The following TPO variants were observed in gnomAD, a reference collection of about 807,000 sequenced individuals.
The protein encoded by TPO is thyroid peroxidase, also known as thyroid microsomal antigen.
In TPO, 78 loss-of-function variants were observed where a neutral mutation model predicts 96.9. The observed-to-expected ratio is 0.81, with a 90% CI of 0.67 to 0.97. TPO has a LOEUF of 0.97. Ranked by LOEUF, TPO falls within the 50% of genes least tolerant of loss-of-function variation. The pLI, the probability that TPO is intolerant of heterozygous loss-of-function variation, is 0.00. For synonymous variants in TPO, 547 were observed against 538.0 expected (o/e 1.02, Z -0.23); for missense variants, 1,252 against 1,274.8 (o/e 0.98, Z 0.27).
intron 3 of TPO, among the ~76,000 whole-genome samples, chr2:1,428,848 G>C (rs1237077248): frequency 6.6e-6 from 1 of 152,134 alleles, no homozygotes; most frequent in Non-Finnish European, 1.5e-5. Flanking sequence ...AACCTGCACA[G>C]GTGCTTACAC....
At chr2:1,446,523 T>C (rs1214914673) in intron 5 of TPO, among the ~76,000 whole-genome samples, 1 of 152,188 alleles carries the variant, frequency 6.6e-6, no homozygotes, top group African/African-American at 2.4e-5. Flanking sequence ...TTTCCTGTGG[T>C]TTAACTTCAC....
In TPO at chr2:1,505,286, C is replaced by A. The variant is rs1413167376; in HGVS notation, c.2518+1207C>A. Among the ~76,000 whole-genome samples, 4 of 150,534 alleles carry A rather than the reference C, an allele frequency of 2.7e-5. No homozygotes were observed. In the East Asian group the frequency reaches 8.0e-4, roughly 30 times the overall value. ...CACCCCCTCCTGTGTCAGGCGCACC[C>A]CACTATCCTATATCAGGCACATCCC... On this transcript the variant is annotated intron_variant, in intron 14 of 16. Transcript: ENST00000329066.
rs184678154 is a variant in TPO at position 1,531,353 on chromosome 2, G to A, written c.2619-9241G>A. ...CCCCAAATCCCTCCCACTGTGTGCA[G>A]CCTCCCCAAATCCTCCCGACTCTGT... On this transcript the variant is annotated intron_variant, in intron 15 of 16. Coordinates refer to ENST00000329066, the MANE Select transcript of TPO (RefSeq NM_001206744.2). Among the ~76,000 whole-genome samples, 114 of 55,458 alleles carry A rather than the reference G, an allele frequency of 2.1e-3. 3 individuals are homozygous for A. Among genetic ancestry groups the A allele is most frequent in the Middle Eastern group, 0.015 (1 of 68 alleles). The allele number at this position is 55,458 out of a possible 152,430, so 36.4% of individuals were successfully genotyped here. A position where few individuals can be genotyped will look rare whatever the true frequency, so the allele number is the denominator to read the frequency against.
At chr2:1,443,351 T>C (rs912800447) in intron 5 of TPO, among the ~76,000 whole-genome samples, 2 of 149,030 alleles carry the variant, frequency 1.3e-5, no homozygotes, top group Non-Finnish European at 3.0e-5. Flanking sequence ...GAAGGTACCA[T>C]GTTGGAAGGG....
chr2:1,444,035 A>G (rs1306214177), intron 5 of TPO, among the ~76,000 whole-genome samples: 18 of 116,718 alleles, frequency 1.5e-4, no homozygotes, highest in African/African-American at 3.4e-4. Context: ...AAGGGAATGG[A>G]GCTGGCTCCT....
At chr2:1,382,984 T>C (rs184358031) in intron 1 of TPO, among the ~76,000 whole-genome samples, 1 of 151,612 alleles carries the variant, frequency 6.6e-6, no homozygotes, top group East Asian at 2.0e-4. Flanking sequence ...TGTTTGGTTT[T>C]CTGTCCTTGT....
intron 4 of TPO, 66 bp from the exon 5 acceptor site, chr2:1,436,186 A>G (rs948614097): frequency 1.2e-6 from 2 of 1,612,922 alleles, no homozygotes; most frequent in Non-Finnish European, 1.7e-6. Context: ...TGAGACTGCA[A>G]TAGAATATTT....
chr2:1,472,547 C>A (rs939832127), intron 7 of TPO, among the ~76,000 whole-genome samples: 1 of 152,134 alleles, frequency 6.6e-6, no homozygotes, highest in Non-Finnish European at 1.5e-5. Context: ...GGAATCCCCC[C>A]AGTGGAGCGC....
At chr2:1,423,854 G>T (rs1222024998) in intron 3 of TPO, among the ~76,000 whole-genome samples, 1 of 152,142 alleles carries the variant, frequency 6.6e-6, no homozygotes, top group Non-Finnish European at 1.5e-5. Flanking sequence ...GAATCAAAGG[G>T]AAAAGAAAGA....
At chr2:1,402,241 G>A (rs146731908) in intron 1 of TPO, among the ~76,000 whole-genome samples, 3 of 152,314 alleles carry the variant, frequency 2.0e-5, no homozygotes, top group Admixed American at 2.0e-4. Flanking sequence ...AGTGAGCTGC[G>A]GTCGGCATCC....
intron 10 of TPO, among the ~76,000 whole-genome samples, chr2:1,488,240 A>G (rs913257515): frequency 6.6e-6 from 1 of 152,114 alleles, no homozygotes; most frequent in African/African-American, 2.4e-5. Flanking sequence ...ACCTTGAGAA[A>G]CAGCCGCTTC....
chr2:1,530,022 TC>T (rs1189429350), intron 15 of TPO, among the ~76,000 whole-genome samples: 1 of 125,054 alleles, frequency 8.0e-6, no homozygotes, highest in Admixed American at 8.8e-5. Context: ...GTGTGCAACC[TC>T]CCCAAATCAC....
At chr2:1,405,650 C>A (rs1403280294) in intron 1 of TPO, among the ~76,000 whole-genome samples, 1 of 152,164 alleles carries the variant, frequency 6.6e-6, no homozygotes, top group Non-Finnish European at 1.5e-5. Flanking sequence ...TGTTTTCTCA[C>A]AGATTCACCC....
chr2:1,533,284 T>C (rs1175018404), intron 15 of TPO, among the ~76,000 whole-genome samples: 2 of 40,738 alleles, frequency 4.9e-5, no homozygotes. Context: ...CCCCCCACTC[T>C]GCACAATCTC....
Position 1,477,247 on chromosome 2 carries a change from C to T in TPO, c.981C>T (p.Ser327=). The stretch of plus-strand genomic sequence containing the variant: ...GGTTGACCTCGTTCCTGGACGCGTC[C>T]ACCGTGTATGGCAGCTCCCCGGCCC... ...MNGLTSFLDA[S]TVYGSSPALE... Residue 327 remains serine (S), a synonymous_variant, in exon 8 of 17, where the codon TCC becomes TCT. Coordinates refer to ENST00000329066, the MANE Select transcript of TPO (RefSeq NM_001206744.2). 1.2e-6 allele frequency: 2 copies of T among 1,608,004 alleles called. No homozygotes were observed. Among genetic ancestry groups the T allele is most frequent in the Non-Finnish European group, 1.7e-6 (2 of 1,178,256 alleles).
intron 3 of TPO, among the ~76,000 whole-genome samples, chr2:1,428,243 G>A (rs1055082238): frequency 2.6e-5 from 4 of 152,164 alleles, no homozygotes; most frequent in African/African-American, 7.2e-5. Context: ...GTCTGCATTC[G>A]GAATGACCCA....
chr2:1,378,658 C>T (rs78434183), intron 1 of TPO, among the ~76,000 whole-genome samples: 1,679 of 152,320 alleles, frequency 0.011, 42 homozygotes, highest in African/African-American at 0.038. Context: ...GCTGCTCTCC[C>T]TGGGAGGCCC....
At chr2:1,478,369 G>A (rs917264921) in intron 8 of TPO, 103 of 985,260 alleles carry the variant, frequency 1.0e-4, no homozygotes, top group Non-Finnish European at 1.2e-4. Context: ...GGCGGCCTGG[G>A]CATCGTGTCT....
intron 5 of TPO, among the ~76,000 whole-genome samples, chr2:1,440,075 C>T (rs191172416): frequency 1.2e-4 from 18 of 152,332 alleles, no homozygotes; most frequent in Admixed American, 3.3e-4. Flanking sequence ...TGGGCTGGTG[C>T]TGCATTTCCA....
Sources: allele counts gnomAD v4.1 joint callset (sites outside exome capture counted in the v4.1 genomes callset), GRCh38; gene constraint gnomAD v4.1.1; transcripts MANE v1.5; gene names NCBI Gene and HGNC (gene_info 2026-07-23, HGNC 2026-07-21).